GRIN3B: variants seen among roughly 807,000 people sequenced by gnomAD.
GRIN3B encodes the protein glutamate ionotropic receptor NMDA type subunit 3B.
A neutral mutation model predicts 66.0 loss-of-function variants in GRIN3B; 77 were observed. The ratio of observed to expected loss-of-function variants is 1.17; its 90% confidence interval spans 0.97 to 1.41. GRIN3B has a LOEUF of 1.41. GRIN3B is among the 40% of genes most tolerant of loss of function. The pLI is 0.00. For missense variants in GRIN3B, 1,787 were observed against 1,564.5 expected, an observed-to-expected ratio of 1.14 and a Z score of -2.40; for synonymous variants, 823 against 749.7, an observed-to-expected ratio of 1.10 and a Z score of -1.60.
intron 1 of GRIN3B, 139 bp from the exon 2 acceptor site, chr19:1,002,991 A>G (rs1325683778): frequency 1.6e-5 from 9 of 561,628 alleles, no homozygotes; most frequent in Non-Finnish European, 2.8e-5. Context: ...GGTTTAGAGC[A>G]GGGCTGGGGC....
At chr19:1,003,820 C>T in intron 2 of GRIN3B, 98 bp downstream of exon 2, 2 of 944,276 alleles carry the variant, frequency 2.1e-6, no homozygotes, top group Non-Finnish European at 2.9e-6. Flanking sequence ...GACGCGGTGG[C>T]TCACGCCTGT....
At chr19:1,001,517 G>A (rs2038684287) in intron 1 of GRIN3B, among the ~76,000 whole-genome samples, 1 of 151,908 alleles carries the variant, frequency 6.6e-6, no homozygotes. Flanking sequence ...GAAGAGAAGG[G>A]CGATTGACTG....
rs1179334559 is a variant in GRIN3B at position 1,007,418 on chromosome 19, G to A, written c.2053-210G>A. Among the ~76,000 whole-genome samples the A allele has an allele frequency of 6.6e-6, 1 of 152,030 alleles. No homozygotes were observed. The highest frequency in any genetic ancestry group is 1.5e-5 in the Non-Finnish European group (1 of 67,942). ...TCCACCCGGGGTGATCCTGCCCCCCGCCCCAGGGGACCCTGGACAGTGTGT... is the reference window on the plus strand; with the variant it reads ...TCCACCCGGGGTGATCCTGCCCCCCACCCCAGGGGACCCTGGACAGTGTGT... On this transcript the variant is annotated intron_variant, in intron 3 of 8. Coordinates refer to ENST00000234389, the MANE Select transcript of GRIN3B (RefSeq NM_138690.3). This position sits in a 1 kb window ranked among gnomAD's most constrained non-coding sequence, Gnocchi z 4.4.
intron 2 of GRIN3B, among the ~76,000 whole-genome samples, 182 bp downstream of exon 2, chr19:1,003,904 T>C (rs2038711489): frequency 6.6e-6 from 1 of 152,214 alleles, no homozygotes; most frequent in Non-Finnish European, 1.5e-5. Context: ...CCGGCCAACA[T>C]GGTGAAACCC....
chr19:1,003,568 C>T lies in GRIN3B; in HGVS notation c.865C>T (p.Leu289=). The T allele has an allele frequency of 6.7e-7, 1 of 1,501,958 alleles. No individual in the cohort carries two copies. The highest frequency in any genetic ancestry group is 8.8e-7 in the Non-Finnish European group (1 of 1,131,402). The allele number at this position is 1,501,958 out of a possible 1,614,324, so 93.0% of individuals were successfully genotyped here. ...GCTGGGCGAGGTGGCACGACCCCCGCTGGAGGCCGCCATCCATGACATTGT... is the reference window on the plus strand; with the variant it reads ...GCTGGGCGAGGTGGCACGACCCCCGTTGGAGGCCGCCATCCATGACATTGT... The part of the protein sequence containing the change: ...LALGEVARPP[L]EAAIHDIVQL... The change falls in exon 2 of 9, where the codon CTG becomes TTG. Residue 289 remains leucine, a synonymous_variant. Transcript: ENST00000234389.
chr19:1,007,511 A>G lies in GRIN3B; in HGVS notation c.2053-117A>G. On this transcript the variant is annotated intron_variant, in intron 3 of 8. Coordinates refer to ENST00000234389, the MANE Select transcript of GRIN3B (RefSeq NM_138690.3). The surrounding 1 kb of genome is among the most constrained non-coding windows in gnomAD (Gnocchi z 4.4). ...GGCATGGAGTGGGTGGAGGCCAGGA[A>G]TGCAGCCTCGGCGCCCTGCAGTGCC... The G allele has an allele frequency of 8.2e-7, 1 of 1,221,964 alleles. No homozygotes were observed. The highest frequency in any genetic ancestry group is 4.0e-5 in the Admixed American group (1 of 24,930). 75.7% of individuals were successfully genotyped at this position (1,221,964 alleles called of 1,614,324 possible).
intron 1 of GRIN3B, 62 bp from the exon 2 acceptor site, chr19:1,003,068 G>A (rs1226842802): frequency 6.7e-6 from 8 of 1,200,872 alleles, no homozygotes; most frequent in Non-Finnish European, 8.9e-6. Flanking sequence ...CCGCTGCTGG[G>A]GTGGGAAGGG....
intron 3 of GRIN3B, among the ~76,000 whole-genome samples, chr19:1,006,866 A>G (rs1298640518): frequency 6.6e-6 from 1 of 152,158 alleles, no homozygotes; most frequent in East Asian, 1.9e-4. Context: ...CTGCTGACCC[A>G]CAGGCACGAT....
In GRIN3B at chr19:1,008,884, C is replaced by A. The variant is rs376554911; in HGVS notation, c.2659C>A (p.Pro887Thr). Residue 887 changes from proline (P) to threonine (T), a missense_variant, in exon 8 of 9, where the codon CCA (proline) becomes ACA (threonine). Transcript: ENST00000234389. ...QKIHRALNTEPPEGSKEETAE... is the reference protein window; with the variant it reads ...QKIHRALNTETPEGSKEETAE... The stretch of plus-strand genomic sequence containing the variant: ...AATCCACCGCGCCCTCAACACGGAG[C>A]CACCAGAGGGGTCGAAGGAGGAGAC... 4 of 1,610,794 alleles carry A rather than the reference C, an allele frequency of 2.5e-6. No homozygotes were observed. The Admixed American group carries it at 5.0e-5, about 20-fold the overall frequency.
intron 3 of GRIN3B, among the ~76,000 whole-genome samples, chr19:1,006,780 G>A (rs923762507): frequency 1.3e-5 from 2 of 152,206 alleles, no homozygotes; most frequent in East Asian, 1.9e-4. Context: ...GACTGCTGCC[G>A]GCGGCTCTTC....
In GRIN3B at chr19:1,008,720, C is replaced by G. The variant is rs572399176; in HGVS notation, c.2569C>G (p.Arg857Gly). 7.5e-6 allele frequency: 12 copies of G among 1,608,616 alleles called. No individual in the cohort carries two copies. The African/African-American group carries it at 8.0e-5, about 11-fold the overall frequency. Residue 857 changes from arginine to glycine, a missense_variant, in exon 7 of 9, where the codon CGC becomes GGC. Arg to Gly is a moderately radical substitution (Grantham distance 125, BLOSUM62 -2). Coordinates refer to ENST00000234389, the MANE Select transcript of GRIN3B (RefSeq NM_138690.3). ...LSSLGEHAFF[R>G]LALPRIRKGS... ...CTCGCTGGGCGAGCACGCCTTCTTCCGCCTGGCGCTGCCGCGCATCCGCAA... is the reference window on the plus strand; with the variant it reads ...CTCGCTGGGCGAGCACGCCTTCTTCGGCCTGGCGCTGCCGCGCATCCGCAA...
Position 1,008,892 on chromosome 19 carries a change from G to C in GRIN3B, c.2667G>C (p.Glu889Asp). 1 of 1,610,736 alleles carries C rather than the reference G, an allele frequency of 6.2e-7. No homozygotes were observed. Among genetic ancestry groups the C allele is most frequent in the Non-Finnish European group, 8.5e-7 (1 of 1,178,888 alleles). ...GCGCCCTCAACACGGAGCCACCAGA[G>C]GGGTCGAAGGAGGAGACGGCAGAGG... ...IHRALNTEPPEGSKEETAEAE... is the reference protein window; with the variant it reads ...IHRALNTEPPDGSKEETAEAE... The change falls in exon 8 of 9, where the codon GAG (glutamate) becomes GAC (aspartate). Residue 889 changes from glutamate (E) to aspartate (D), a missense_variant. Glu to Asp is a conservative substitution (Grantham distance 45). Transcript: ENST00000234389.
rs760067939 is a variant in GRIN3B at position 1,004,844 on chromosome 19, C to G, written c.1343C>G (p.Pro448Arg). Residue 448 changes from proline (P) to arginine (R), a missense_variant, in exon 3 of 9, where the codon CCT (proline) becomes CGT (arginine). Coordinates refer to ENST00000234389, the MANE Select transcript of GRIN3B (RefSeq NM_138690.3). ...CCAGCGGGGCAGCTGTGCCTGGACC[C>G]TGGCACCAACGACTCGGCCACCCTG... ...QCPAGQLCLD[P>R]GTNDSATLDA... 47 of 1,612,246 alleles carry G rather than the reference C, an allele frequency of 2.9e-5. No individual in the cohort carries two copies. Among genetic ancestry groups the G allele is most frequent in the Middle Eastern group, 1.7e-4 (1 of 6,060 alleles).
rs760833463 is a variant in GRIN3B at position 1,004,992 on chromosome 19, G to A, written c.1491G>A (p.Leu497=). ...AGGACACGCCCTTCGACTTCGAGCTGTACCTCGTGGGTGACGGCAAGTACG... is the reference window on the plus strand; with the variant it reads ...AGGACACGCCCTTCGACTTCGAGCTATACCTCGTGGGTGACGGCAAGTACG... ...LAEDTPFDFE[L]YLVGDGKYGA... is the part of the protein sequence containing the mutation. Residue 497 remains leucine (L), a synonymous_variant, in exon 3 of 9, where the codon CTG becomes CTA. Transcript: ENST00000234389. The A allele has an allele frequency of 2.5e-6, 4 of 1,612,116 alleles. No homozygotes were observed. The highest frequency in any genetic ancestry group is 8.5e-7 in the Non-Finnish European group (1 of 1,179,598).
rs2038705711 is a variant in GRIN3B, at chr19:1,003,490, C to A, written c.787C>A (p.Pro263Thr). Residue 263 changes from proline to threonine, a missense_variant, in exon 2 of 9, where the codon CCA becomes ACA. By Grantham distance (38) the Pro-to-Thr change is conservative. Coordinates refer to ENST00000234389, the MANE Select transcript of GRIN3B (RefSeq NM_138690.3). Reference protein sequence around the residue: ...PPGPHWLLGTPLPPKALPTAG... With the variant: ...PPGPHWLLGTTLPPKALPTAG... ...CGGCCCCCACTGGCTGTTGGGGACA[C>A]CACTGCCGCCCAAGGCCCTGCCCAC... 1 of 1,536,688 alleles carries A rather than the reference C, an allele frequency of 6.5e-7. No individual in the cohort carries two copies. The highest frequency in any genetic ancestry group is 8.7e-7 in the Non-Finnish European group (1 of 1,146,308).
Position 1,000,481 on chromosome 19 carries a change from T to TGGGGCCG in GRIN3B, c.48_54dup (p.Ser19AlafsTer213). 1 of 1,207,264 alleles carries TGGGGCCG rather than the reference T, an allele frequency of 8.3e-7. No individual in the cohort carries two copies. Among genetic ancestry groups the TGGGGCCG allele is most frequent in the Middle Eastern group, 2.5e-4 (1 of 4,072 alleles). The allele number at this position is 1,207,264 out of a possible 1,614,324, so 74.8% of individuals were successfully genotyped here. ...CTGTGGCTGGGCCTGGCGCTGGCGC[T>TGGGGCCG]GGGGCCGGGGTCCGCGGGGGGCCAC... On this transcript the variant is annotated frameshift_variant, in exon 1 of 9. Transcript: ENST00000234389. LOFTEE classifies it high-confidence loss of function.
At chr19:1,000,896 G>A in intron 1 of GRIN3B, 33 bp downstream of exon 1, 2 of 1,354,428 alleles carry the variant, frequency 1.5e-6, no homozygotes, top group South Asian at 3.4e-5. Context: ...GGACGAGGGG[G>A]ACCCGGGGCG....
rs781225717 is a variant in GRIN3B, at chr19:1,004,570, A to AG, written c.1069_1070insG (p.Thr357SerfsTer13). 32 of 1,359,636 alleles carry AG rather than the reference A, an allele frequency of 2.4e-5. No individual in the cohort carries two copies. In the East Asian group the frequency reaches 1.5e-3, roughly 63 times the overall value. 84.2% of individuals were successfully genotyped at this position (1,359,636 alleles called of 1,614,324 possible). On this transcript the variant is annotated frameshift_variant, in exon 3 of 9. Transcript: ENST00000234389. LOFTEE classifies it high-confidence loss of function. Reference sequence around the variant, plus strand: ...GGGCCGCACGGGCCCCGTGTGGGTGACAGGCAGCTCCCAGGTACACATGTC... The same window carrying AG: ...GGGCCGCACGGGCCCCGTGTGGGTGAGCAGGCAGCTCCCAGGTACACATGTC...
In GRIN3B at chr19:1,008,668, CCTGGGCCTGGGCAGCGCTCTG is replaced by C. The variant is rs905800751; in HGVS notation, c.2520_2540del (p.Gly841_Leu847del). 3.1e-6 allele frequency: 5 copies of C among 1,604,870 alleles called. No individual in the cohort carries two copies. The African/African-American group carries it at 6.7e-5, about 21-fold the overall frequency. On this transcript the variant is annotated inframe_deletion, in exon 7 of 9. Transcript: ENST00000234389. ...TCGCGGGCCTCTTCGTGTTGCTGTG[CCTGGGCCTGGGCAGCGCTCTG>C]CTCAGCTCGCTGGGCGAGCACGCCT...
Sources: allele counts gnomAD v4.1 joint callset (sites outside exome capture counted in the v4.1 genomes callset), GRCh38; gene constraint gnomAD v4.1.1; non-coding constraint Gnocchi (gnomAD v3.1); transcripts MANE v1.5; gene names NCBI Gene and HGNC (gene_info 2026-07-23, HGNC 2026-07-21).